NFIB: variants seen among roughly 807,000 people sequenced by gnomAD.
NFIB encodes the protein nuclear factor 1 B-type.
Under a neutral mutation model 61.5 loss-of-function variants are expected in NFIB, and 11 were observed. That is an observed-to-expected ratio of 0.18 (90% confidence interval 0.11 to 0.30). NFIB has a LOEUF of 0.30. Among genes scored for constraint, NFIB ranks in the 10% least tolerant of loss-of-function variants. The pLI, the probability that NFIB is intolerant of heterozygous loss-of-function variation, is 1.00. For synonymous variants in NFIB, 260 were observed against 216.5 expected, an observed-to-expected ratio of 1.20 and a Z score of -1.76; for missense variants, 471 against 608.9, an observed-to-expected ratio of 0.77 and a Z score of 2.38.
intron 1 of NFIB, among the ~76,000 whole-genome samples, chr9:14,386,343 C>T (rs796462510): frequency 2.2e-4 from 34 of 152,262 alleles, no homozygotes; most frequent in African/African-American, 8.2e-4. Flanking sequence ...TTCTTAAATT[C>T]TGAACCCAAA....
At chr9:14,483,347 C>T in the NFIB span, among the ~76,000 whole-genome samples, 2 of 152,154 alleles carry the variant, frequency 1.3e-5, no homozygotes, top group South Asian at 2.1e-4. Context: ...AAGTTCAGAA[C>T]GGGATTCTGT....
At chr9:14,369,964 A>G (rs2061340686) in intron 1 of NFIB, among the ~76,000 whole-genome samples, 1 of 152,188 alleles carries the variant, frequency 6.6e-6, no homozygotes, top group Non-Finnish European at 1.5e-5. Context: ...GGGTAAGACA[A>G]GGTTATGTCC....
At chr9:14,229,405 T>G (rs1415196653) in intron 2 of NFIB, among the ~76,000 whole-genome samples, 1 of 152,120 alleles carries the variant, frequency 6.6e-6, no homozygotes, top group East Asian at 1.9e-4. Flanking sequence ...CTACAATAAA[T>G]TCATTCATTC....
chr9:14,330,064 T>A (rs1588318649), intron 1 of NFIB, among the ~76,000 whole-genome samples: 1 of 151,692 alleles, frequency 6.6e-6, no homozygotes, highest in Non-Finnish European at 1.5e-5. Flanking sequence ...GAGGCAGAGG[T>A]TGAAGTGAGC....
At chr9:14,390,573 T>C (rs1210136024) in intron 1 of NFIB, among the ~76,000 whole-genome samples, 3 of 152,260 alleles carry the variant, frequency 2.0e-5, no homozygotes, top group Non-Finnish European at 2.9e-5. Flanking sequence ...TGAATTTTTG[T>C]GTCCTCCCAA....
intron 6 of NFIB, among the ~76,000 whole-genome samples, chr9:14,142,448 C>T (rs1286442195): frequency 6.6e-6 from 1 of 152,144 alleles, no homozygotes; most frequent in African/African-American, 2.4e-5. Context: ...AGGTCTTTAT[C>T]AGCAGCATGA....
At chr9:14,262,046 C>T (rs1035372510) in intron 2 of NFIB, among the ~76,000 whole-genome samples, 2 of 152,014 alleles carry the variant, frequency 1.3e-5, no homozygotes, top group South Asian at 2.1e-4. Flanking sequence ...TTTGGTGTAT[C>T]GGTTTCTGAG....
the NFIB span, among the ~76,000 whole-genome samples, chr9:14,520,131 T>C: frequency 6.6e-6 from 1 of 152,202 alleles, no homozygotes. Context: ...ACCTAAGATT[T>C]CCTTCTACTA....
rs138590997 is a variant in NFIB, at chr9:14,392,940, G to A, written c.108+5584C>T. 4.3e-4 allele frequency among the ~76,000 whole-genome samples: 66 copies of A among 152,278 alleles called. 1 individual carries two copies. The East Asian group carries it at 0.011, about 26-fold the overall frequency. ...ACTCATATTACTTGAAGAAAGATCCGATAACTTCCACCACCTTAAGTGTTT... is the reference window on the plus strand; with the variant it reads ...ACTCATATTACTTGAAGAAAGATCCAATAACTTCCACCACCTTAAGTGTTT... On this transcript the variant is annotated intron_variant, in intron 1 of 8. Transcript: ENST00000380934.
the NFIB span, among the ~76,000 whole-genome samples, chr9:14,527,967 T>C: frequency 6.6e-6 from 1 of 152,172 alleles, no homozygotes; most frequent in African/African-American, 2.4e-5. Flanking sequence ...TATATATATT[T>C]AGCATATTTA....
the NFIB span, among the ~76,000 whole-genome samples, chr9:14,462,807 T>G: frequency 6.6e-6 from 1 of 152,352 alleles, no homozygotes; most frequent in South Asian, 2.1e-4. Context: ...TAGAAAGTTC[T>G]GGGATTCTAG....
chr9:14,205,050 C>T lies in NFIB; in HGVS notation c.563-25270G>A, dbSNP rs180982866. 1.2e-5 allele frequency: 3 copies of T among 247,126 alleles called. No individual in the cohort carries two copies. The Admixed American group carries it at 1.3e-4, about 10-fold the overall frequency. The allele number at this position is 247,126 out of a possible 1,614,324, so 15.3% of individuals were successfully genotyped here. On this transcript the variant is annotated intron_variant, in intron 2 of 10. Transcript: ENST00000380953. ...TTGCCACCAAACTGGGTTAAATGTA[C>T]ACTGTTGAGTTTTCTGTACATAAAA...
intron 1 of NFIB, among the ~76,000 whole-genome samples, chr9:14,379,218 A>G (rs980458230): frequency 3.3e-5 from 5 of 152,220 alleles, no homozygotes; most frequent in African/African-American, 1.2e-4. Context: ...AATGAATGAC[A>G]ATTGTTTGCT....
intron 2 of NFIB, among the ~76,000 whole-genome samples, chr9:14,200,654 C>T (rs193204354): frequency 1.2e-3 from 188 of 152,234 alleles, no homozygotes; most frequent in African/African-American, 4.5e-3. Flanking sequence ...GTCCAATCCT[C>T]TATTTCTGAG....
intron 6 of NFIB, among the ~76,000 whole-genome samples, chr9:14,129,646 G>T (rs2040162935): frequency 1.3e-5 from 2 of 152,062 alleles, no homozygotes. Context: ...TTTGAAGAAT[G>T]AATATATAGA....
chr9:14,314,786 C>A (rs1348485112), upstream of NFIB, among the ~76,000 whole-genome samples: 1 of 143,430 alleles, frequency 7.0e-6, no homozygotes, highest in African/African-American at 2.6e-5. Flanking sequence ...GCTACAGAAC[C>A]ATGACTTTTT....
rs377404748 is a variant in NFIB at position 14,155,909 on chromosome 9, A to G, written c.617-16T>C. The G allele has an allele frequency of 8.4e-5, 123 of 1,465,614 alleles. No homozygotes were observed. Among genetic ancestry groups the G allele is most frequent in the Non-Finnish European group, 1.1e-4 (116 of 1,063,334 alleles). 90.8% of individuals were successfully genotyped at this position (1,465,614 alleles called of 1,614,324 possible). A position where few individuals can be genotyped will look rare whatever the true frequency, so the allele number is the denominator to read the frequency against. On this transcript the variant is annotated splice_polypyrimidine_tract_variant and intron_variant, in intron 3 of 10. Transcript: ENST00000380953. ...TCAAGGTAACCTGAAAATAAATATT[A>G]AAGGAAAAATGATCAATATAAGCAG... is the stretch of plus-strand genomic sequence containing the variant.
intron 1 of NFIB, among the ~76,000 whole-genome samples, chr9:14,348,822 G>A (rs928435752): frequency 6.6e-6 from 1 of 152,240 alleles, no homozygotes; most frequent in Non-Finnish European, 1.5e-5. Flanking sequence ...CTGGGCCCCT[G>A]GCTGCGGAGA....
chr9:14,237,342 G>C (rs2053838853), intron 2 of NFIB, among the ~76,000 whole-genome samples: 1 of 152,020 alleles, frequency 6.6e-6, no homozygotes, highest in African/African-American at 2.4e-5. Flanking sequence ...CCAAGCTTTA[G>C]CCATTCTTAG....
Sources: allele counts gnomAD v4.1 joint callset (sites outside exome capture counted in the v4.1 genomes callset), GRCh38; gene constraint gnomAD v4.1.1; transcripts MANE v1.5; gene names NCBI Gene and HGNC (gene_info 2026-07-23, HGNC 2026-07-21).